Variants in HUS1B observed in about 807,000 individuals in gnomAD.
HUS1B encodes checkpoint protein HUS1B.
For missense variants in HUS1B, 475 were observed against 390.4 expected (o/e 1.22, Z -1.83); for synonymous variants, 207 against 176.2 (o/e 1.17, Z -1.38).
Position 656,586 on chromosome 6 carries a change from G to A in HUS1B, c.359C>T (p.Ser120Leu), listed in dbSNP as rs1264773686. The part of the protein sequence containing the change: ...PSLTVAVELV[S>L]SLGRARSVVH... ...CACGCTGCGAGCGCGGCCCAGGGAC[G>A]AGACCAGCTCCACCGCCACCGTGAG... Residue 120 changes from serine (S) to leucine (L), a missense_variant, in exon 1 of 1, where the codon TCG becomes TTG. Physicochemically the swap from Ser to Leu is moderately radical, Grantham distance 145 (BLOSUM62 -2). Coordinates refer to ENST00000380907, the MANE Select transcript of HUS1B (RefSeq NM_148959.4). 16 of 1,593,562 alleles carry A rather than the reference G, an allele frequency of 1.0e-5. No homozygotes were observed. The highest frequency in any genetic ancestry group is 2.3e-5 in the South Asian group (2 of 88,710).
chr6:656,759 G>A lies in HUS1B; in HGVS notation c.186C>T (p.Ala62=), dbSNP rs1013831436. 6.3e-7 allele frequency: 1 copy of A among 1,589,708 alleles called. No homozygotes were observed. Among genetic ancestry groups the A allele is most frequent in the African/African-American group, 1.3e-5 (1 of 74,320 alleles). The change falls in exon 1 of 1, where the codon GCC becomes GCT. Residue 62 remains alanine (A), a synonymous_variant. Transcript: ENST00000380907. ...CACCTTCCATGCGAAACTGCTGGAA[G>A]GCCCCCTGCCGCACCTCGCACCACA... The part of the protein sequence containing the change: ...ARLWCEVRQG[A]FQQFRMEGVS...
chr6:656,638 G>T lies in HUS1B; in HGVS notation c.307C>A (p.Gln103Lys). The stretch of plus-strand genomic sequence containing the variant: ...GAGGGGCGGCGCTTGTGGGTCAGCT[G>T]CAGCTTCAGGGAGGACGCGCCCGCT... ...SAAGASSLKLQLTHKRRPSLT... is the reference protein window; with the variant it reads ...SAAGASSLKLKLTHKRRPSLT... The change falls in exon 1 of 1, where the codon CAG (glutamine) becomes AAG (lysine). Residue 103 changes from glutamine to lysine, a missense_variant. By Grantham distance (53) the Gln-to-Lys change is moderately conservative. Transcript: ENST00000380907. 6.2e-7 allele frequency: 1 copy of T among 1,606,500 alleles called. No individual in the cohort carries two copies.
At position 656,055 on chromosome 6, in the gene HUS1B, T is replaced by C; in HGVS notation, c.*53A>G. 7.5e-7 allele frequency: 1 copy of C among 1,333,600 alleles called. No homozygotes were observed. Among genetic ancestry groups the C allele is most frequent in the Admixed American group, 1.9e-5 (1 of 52,986 alleles). The allele number at this position is 1,333,600 out of a possible 1,614,324, so 82.6% of individuals were successfully genotyped here. On this transcript the variant is annotated 3_prime_UTR_variant, in exon 1 of 1. Transcript: ENST00000380907. Reference sequence around the variant, plus strand: ...CAACCCAATTAACTCAGGGTCTGTTTTAGTTTTGAAAAGATCAAAACCTTA... The same window carrying C: ...CAACCCAATTAACTCAGGGTCTGTTCTAGTTTTGAAAAGATCAAAACCTTA...
In HUS1B at chr6:656,932, C is replaced by T. The variant is rs759075877; in HGVS notation, c.13G>A (p.Ala5Thr). MKFR[A>T]KITGKGCLEL... ...AGACAGCCTTTGCCGGTGATCTTGG[C>T]GCGAAACTTCATGATGCCACAGGGA... The change falls in exon 1 of 1, where the codon GCC becomes ACC. Residue 5 changes from alanine to threonine, a missense_variant. Coordinates refer to ENST00000380907, the MANE Select transcript of HUS1B (RefSeq NM_148959.4). 1.3e-6 allele frequency: 2 copies of T among 1,522,148 alleles called. No individual in the cohort carries two copies. Among genetic ancestry groups the T allele is most frequent in the Non-Finnish European group, 1.8e-6 (2 of 1,130,584 alleles). 94.3% of individuals were successfully genotyped at this position (1,522,148 alleles called of 1,614,324 possible).
rs1006287886 is a variant in HUS1B at position 657,080 on chromosome 6, C to T, written c.-136G>A. ...CCCAGCTAGGCAGGCACTCGGGTTC[C>T]CGGTTGCGGTTGCGGGTTCTGTTGT... is the stretch of plus-strand genomic sequence containing the variant. On this transcript the variant is annotated 5_prime_UTR_variant, in exon 1 of 1. Transcript: ENST00000380907. The T allele has an allele frequency of 1.4e-6, 1 of 726,034 alleles. No homozygotes were observed. Among genetic ancestry groups the T allele is most frequent in the South Asian group, 2.7e-5 (1 of 37,620 alleles). The allele number at this position is 726,034 out of a possible 1,614,324, so 45.0% of individuals were successfully genotyped here. A position where few individuals can be genotyped will look rare whatever the true frequency, so the allele number is the denominator to read the frequency against.
In HUS1B at chr6:656,360, C is replaced by T. The variant is rs201854225; in HGVS notation, c.585G>A (p.Thr195=). The T allele has an allele frequency of 5.0e-5, 80 of 1,614,202 alleles. 1 individual carries two copies. In the East Asian group the frequency reaches 1.3e-3, roughly 26 times the overall value. The change falls in exon 1 of 1, where the codon ACG becomes ACA. Residue 195 remains threonine (T), a synonymous_variant. Transcript: ENST00000380907. ...LSGRMTLSIE[T]EVVSIQSYFK... is the part of the protein sequence containing the mutation. Reference sequence around the variant, plus strand: ...AATAACTTTGAATGGACACCACCTCCGTCTCTATACTCAGGGTCATCCTGC... The same window carrying T: ...AATAACTTTGAATGGACACCACCTCTGTCTCTATACTCAGGGTCATCCTGC...
rs141762626 is a variant in HUS1B, at chr6:656,622, C to T, written c.323G>A (p.Arg108His). Residue 108 changes from arginine to histidine, a missense_variant, in exon 1 of 1, where the codon CGC becomes CAC. Physicochemically the swap from Arg to His is conservative, Grantham distance 29. Transcript: ENST00000380907. ...SSLKLQLTHKRRPSLTVAVEL... is the reference protein window; with the variant it reads ...SSLKLQLTHKHRPSLTVAVEL... ...CACCGCCACCGTGAGGGAGGGGCGG[C>T]GCTTGTGGGTCAGCTGCAGCTTCAG... is the stretch of plus-strand genomic sequence containing the variant. The T allele has an allele frequency of 6.2e-6, 10 of 1,603,030 alleles. No homozygotes were observed. The East Asian group carries it at 2.2e-4, about 36-fold the overall frequency.
chr6:656,712 A>AT, the HUS1B span: 1 of 1,602,010 alleles, frequency 6.2e-7, no homozygotes, highest in Non-Finnish European at 8.5e-7. Context: ...CTCCAGGTGG[A>AT]TCTCATCGAG....
At position 656,518 on chromosome 6, in the gene HUS1B, G is replaced by T; in HGVS notation, c.427C>A (p.Arg143=). The T allele has an allele frequency of 6.2e-7, 1 of 1,605,376 alleles. No homozygotes were observed. The highest frequency in any genetic ancestry group is 8.5e-7 in the Non-Finnish European group (1 of 1,177,892). The change falls in exon 1 of 1, where the codon CGG becomes AGG. Residue 143 remains arginine (R), a synonymous_variant. Transcript: ENST00000380907. ...CGCAGGCTGGGCGGCAGGCAGTCCC[G>T]CCACACTCTCCTGGGAAGCACCCGC... ...PVRVLPRRVW[R]DCLPPSLRAS...
chr6:656,841 C>A lies in HUS1B; in HGVS notation c.104G>T (p.Arg35Leu). ...GGGGCCGAAGCACAGGCTGTCAGGG[C>A]GCACGCGGAGCACGCAGACCTTCGC... Reference protein sequence around the residue: ...RLAKVCVLRVRPDSLCFGPAG... With the variant: ...RLAKVCVLRVLPDSLCFGPAG... The change falls in exon 1 of 1, where the codon CGC (arginine) becomes CTC (leucine). Residue 35 changes from arginine (R) to leucine (L), a missense_variant. Coordinates refer to ENST00000380907, the MANE Select transcript of HUS1B (RefSeq NM_148959.4). 6.2e-7 allele frequency: 1 copy of A among 1,610,618 alleles called. No individual in the cohort carries two copies. Among genetic ancestry groups the A allele is most frequent in the Non-Finnish European group, 8.5e-7 (1 of 1,178,020 alleles).
chr6:655,984 TCAA>T lies in HUS1B; in HGVS notation c.*121_*123del. The T allele has an allele frequency of 1.4e-6, 1 of 700,232 alleles. No homozygotes were observed. The highest frequency in any genetic ancestry group is 2.4e-6 in the Non-Finnish European group (1 of 410,422). The allele number at this position is 700,232 out of a possible 1,614,324, so 43.4% of individuals were successfully genotyped here. A position where few individuals can be genotyped will look rare whatever the true frequency, so the allele number is the denominator to read the frequency against. On this transcript the variant is annotated 3_prime_UTR_variant, in exon 1 of 1. Coordinates refer to ENST00000380907, the MANE Select transcript of HUS1B (RefSeq NM_148959.4). The stretch of plus-strand genomic sequence containing the variant: ...ATAAATTTTGCAAAGGAGGAAGGGC[TCAA>T]CAAAATATACGCCCTGCATAAGTCA...
Position 656,172 on chromosome 6 carries a change from G to C in HUS1B, c.773C>G (p.Thr258Ser). Residue 258 changes from threonine to serine, a missense_variant, in exon 1 of 1, where the codon ACT (threonine) becomes AGT (serine). By Grantham distance (58) the Thr-to-Ser change is moderately conservative. Transcript: ENST00000380907. ...TTALCNIWDNTLLQLVLVQED... is the reference protein window; with the variant it reads ...TTALCNIWDNSLLQLVLVQED... ...TTGAACCAAAACAAGCTGAAGAAGA[G>C]TATTGTCCCAAATATTGCACAGGGC... The C allele has an allele frequency of 1.2e-6, 2 of 1,614,136 alleles. No homozygotes were observed. The highest frequency in any genetic ancestry group is 1.7e-6 in the Non-Finnish European group (2 of 1,180,004).
chr6:656,098 G>T lies in HUS1B; in HGVS notation c.*10C>A. 1 of 1,572,178 alleles carries T rather than the reference G, an allele frequency of 6.4e-7. No individual in the cohort carries two copies. Among genetic ancestry groups the T allele is most frequent in the Non-Finnish European group, 8.7e-7 (1 of 1,146,980 alleles). The stretch of plus-strand genomic sequence containing the variant: ...AAACCTTAAAAAAAAAATCTAAGCT[G>T]GCTGAATTTTTACAAGGCAGGAATG... On this transcript the variant is annotated 3_prime_UTR_variant, in exon 1 of 1. Transcript: ENST00000380907.
chr6:655,943 T>C lies in HUS1B; in HGVS notation c.*165A>G, dbSNP rs1763054317. ...ACAAAACATGAACTACCCAACTGTT[T>C]TACCAATGCTTTAATATAAATTTTG... On this transcript the variant is annotated 3_prime_UTR_variant, in exon 1 of 1. Transcript: ENST00000380907. 1.7e-6 allele frequency: 1 copy of C among 580,368 alleles called. No individual in the cohort carries two copies. Among genetic ancestry groups the C allele is most frequent in the Non-Finnish European group, 3.0e-6 (1 of 328,660 alleles). The allele number at this position is 580,368 out of a possible 1,614,324, so 36.0% of individuals were successfully genotyped here. A position where few individuals can be genotyped will look rare whatever the true frequency, so the allele number is the denominator to read the frequency against.
Position 656,813 on chromosome 6 carries a change from C to G in HUS1B, c.132G>C (p.Ala44=). 1 of 1,608,746 alleles carries G rather than the reference C, an allele frequency of 6.2e-7. No homozygotes were observed. Among genetic ancestry groups the G allele is most frequent in the Non-Finnish European group, 8.5e-7 (1 of 1,177,070 alleles). ...VRPDSLCFGP[A]GSGGLHEARL... ...TGGCCTCGTGGAGGCCGCCGGAACC[C>G]GCGGGGCCGAAGCACAGGCTGTCAG... is the stretch of plus-strand genomic sequence containing the variant. The change falls in exon 1 of 1, where the codon GCG becomes GCC. Residue 44 remains alanine, a synonymous_variant. Transcript: ENST00000380907.
At position 656,247 on chromosome 6, in the gene HUS1B, T is replaced by C. The variant is rs780341553; in HGVS notation, c.698A>G (p.Asn233Ser). 6.2e-7 allele frequency: 1 copy of C among 1,614,212 alleles called. No homozygotes were observed. Among genetic ancestry groups the C allele is most frequent in the African/African-American group, 1.3e-5 (1 of 75,038 alleles). ...LESMVQVRVD[N>S]RKLLQFLEGQ... ...CTCCAAAAACTGCAGAAGCTTCCGA[T>C]TGTCCACCCGCACTTGCACCATGCT... Residue 233 changes from asparagine to serine, a missense_variant, in exon 1 of 1, where the codon AAT becomes AGT. Physicochemically the swap from Asn to Ser is conservative, Grantham distance 46. Coordinates refer to ENST00000380907, the MANE Select transcript of HUS1B (RefSeq NM_148959.4).
In HUS1B at chr6:656,867, T is replaced by C. The variant is rs1355311303; in HGVS notation, c.78A>G (p.Leu26=). The C allele has an allele frequency of 3.1e-6, 5 of 1,608,228 alleles. No individual in the cohort carries two copies. The highest frequency in any genetic ancestry group is 1.3e-5 in the African/African-American group (1 of 74,634). ...GCACGCGGAGCACGCAGACCTTCGC[T>C]AGCCTCGCGACGGTGCCGCTGACGT... ...FIHVSGTVAR[L]AKVCVLRVRP... The change falls in exon 1 of 1, where the codon CTA becomes CTG. Residue 26 remains leucine, a synonymous_variant. Transcript: ENST00000380907.
Position 656,814 on chromosome 6 carries a change from G to T in HUS1B, c.131C>A (p.Ala44Glu). 6.2e-7 allele frequency: 1 copy of T among 1,608,932 alleles called. No homozygotes were observed. ...GGCCTCGTGGAGGCCGCCGGAACCC[G>T]CGGGGCCGAAGCACAGGCTGTCAGG... is the stretch of plus-strand genomic sequence containing the variant. ...VRPDSLCFGP[A>E]GSGGLHEARL... The change falls in exon 1 of 1, where the codon GCG (alanine) becomes GAG (glutamate). Residue 44 changes from alanine to glutamate, a missense_variant. Transcript: ENST00000380907.
Position 656,921 on chromosome 6 carries a change from G to A in HUS1B, c.24C>T (p.Thr8=), listed in dbSNP as rs893878017. The part of the protein sequence containing the change: MKFRAKI[T]GKGCLELFIH... ...TGAACAGCTCTAGACAGCCTTTGCC[G>A]GTGATCTTGGCGCGAAACTTCATGA... The change falls in exon 1 of 1, where the codon ACC becomes ACT. Residue 8 remains threonine (T), a synonymous_variant. Coordinates refer to ENST00000380907, the MANE Select transcript of HUS1B (RefSeq NM_148959.4). The A allele has an allele frequency of 2.0e-6, 3 of 1,533,256 alleles. No individual in the cohort carries two copies. Among genetic ancestry groups the A allele is most frequent in the East Asian group, 2.4e-5 (1 of 41,640 alleles). The allele number at this position is 1,533,256 out of a possible 1,614,324, so 95.0% of individuals were successfully genotyped here.
Sources: gnomAD v4.1 joint callset for allele counts on GRCh38, gnomAD v4.1.1 for gene constraint, MANE v1.5 for transcripts, NCBI Gene and HGNC (gene_info 2026-07-23, HGNC 2026-07-21) for gene names.